Variants in DPP6 observed in about 807,000 individuals in gnomAD.
DPP6 encodes A-type potassium channel modulatory protein DPP6.
In DPP6, 69 loss-of-function variants were observed where a neutral mutation model predicts 122.6. The observed-to-expected ratio is 0.56, with a 90% CI of 0.46 to 0.69. The LOEUF is 0.69. Ranked by LOEUF, DPP6 falls within the 30% of genes least tolerant of loss-of-function variation. The pLI is 0.00. For synonymous variants in DPP6, 418 were observed against 433.1 expected (o/e 0.97, Z 0.43); for missense variants, 928 against 1,116.9 (o/e 0.83, Z 2.41).
the DPP6 span, among the ~76,000 whole-genome samples, chr7:153,818,094 T>C: frequency 1.8e-4 from 28 of 151,628 alleles, no homozygotes; most frequent in African/African-American, 3.4e-4. Flanking sequence ...AGTAGAAAAA[T>C]AGGCAAATGA....
At position 153,947,033 on chromosome 7, in the gene DPP6, C is replaced by T. The variant is rs184968703; in HGVS notation, c.51+59299C>T. Among the ~76,000 whole-genome samples the T allele has an allele frequency of 2.5e-4, 38 of 152,184 alleles. 1 individual carries two copies. The South Asian group carries it at 5.0e-3, about 20-fold the overall frequency. ...GACGGTGTGATATTCCTGAGGCCAC[C>T]GGGGATGATTCACAAGGGTGTGCCG... On this transcript the variant is annotated intron_variant, in intron 1 of 25. Transcript: ENST00000404039.
At chr7:154,363,140 C>A (rs1348472246) in intron 1 of DPP6, among the ~76,000 whole-genome samples, 1 of 152,194 alleles carries the variant, frequency 6.6e-6, no homozygotes, top group Non-Finnish European at 1.5e-5. Context: ...TGGCAGCCAG[C>A]ATTGAGATGC....
chr7:153,764,243 T>C, the DPP6 span, among the ~76,000 whole-genome samples: 6 of 152,182 alleles, frequency 3.9e-5, no homozygotes, highest in African/African-American at 1.4e-4. Context: ...TCTGGAAACC[T>C]GCACTGGGGA....
rs549599060 is a variant in DPP6 at position 154,486,084 on chromosome 7, C to T, written c.457+11047C>T. On this transcript the variant is annotated intron_variant, in intron 3 of 25. Coordinates refer to ENST00000377770, the MANE Select transcript of DPP6 (RefSeq NM_130797.4). This position sits in a 1 kb window ranked among gnomAD's most constrained non-coding sequence, Gnocchi z 4.5. ...TTTAGAGAATCCAGGGTGTTCCTGC[C>T]TCAGTGTACCTTGCCTCCCCGGTCT... Among the ~76,000 whole-genome samples, 9 of 152,044 alleles carry T rather than the reference C, an allele frequency of 5.9e-5. No homozygotes were observed. The highest frequency in any genetic ancestry group is 1.7e-4 in the African/African-American group (7 of 41,454).
At chr7:154,530,499 G>A (rs976561138) in intron 3 of DPP6, among the ~76,000 whole-genome samples, 2 of 152,138 alleles carry the variant, frequency 1.3e-5, no homozygotes, top group African/African-American at 2.4e-5. Context: ...AACAACAGAT[G>A]TTGGCAAGGT....
intron 16 of DPP6, among the ~76,000 whole-genome samples, chr7:154,844,938 C>T (rs1184744372): frequency 1.3e-5 from 2 of 152,178 alleles, no homozygotes; most frequent in African/African-American, 2.4e-5. Context: ...TAATTCCGAT[C>T]TTAGACATGG....
At chr7:153,868,730 T>C in the DPP6 span, among the ~76,000 whole-genome samples, 1 of 152,220 alleles carries the variant, frequency 6.6e-6, no homozygotes, top group African/African-American at 2.4e-5. Flanking sequence ...TCTAGTTCTT[T>C]TAATTGTGAT....
Position 154,224,213 on chromosome 7 carries a change from A to G in DPP6, c.243+171150A>G, listed in dbSNP as rs185375130. On this transcript the variant is annotated intron_variant, in intron 1 of 25. Transcript: ENST00000377770. Reference sequence around the variant, plus strand: ...AACGTTAAGAGATACTATGATGTAAAATCCATGTGTGAGCCAGGAGAATAG... The same window carrying G: ...AACGTTAAGAGATACTATGATGTAAGATCCATGTGTGAGCCAGGAGAATAG... 4.8e-4 allele frequency among the ~76,000 whole-genome samples: 72 copies of G among 148,946 alleles called. 9 individuals carry two copies. Among genetic ancestry groups the G allele is most frequent in the African/African-American group, 1.6e-3 (64 of 39,018 alleles).
chr7:154,728,007 G>C, intron 8 of DPP6, 120 bp downstream of exon 8: 1 of 1,460,564 alleles, frequency 6.8e-7, no homozygotes, highest in Non-Finnish European at 9.1e-7. Flanking sequence ...AGTTTCTTGA[G>C]GTTCTGCAAA....
intron 19 of DPP6, 48 bp downstream of exon 19, chr7:154,872,741 CG>C (rs1357389515): frequency 2.9e-5 from 46 of 1,563,514 alleles, no homozygotes; most frequent in Non-Finnish European, 3.9e-5. Context: ...TCTGGGGCTC[CG>C]TGACACCCAT....
chr7:153,909,651 G>C (rs182057226), intron 1 of DPP6, among the ~76,000 whole-genome samples: 2 of 152,070 alleles, frequency 1.3e-5, no homozygotes, highest in Admixed American at 1.3e-4. Flanking sequence ...ACTATATTCA[G>C]TGGTCAGTTC....
At chr7:154,179,388 T>C (rs1797965374) in intron 1 of DPP6, among the ~76,000 whole-genome samples, 1 of 152,200 alleles carries the variant, frequency 6.6e-6, no homozygotes, top group Non-Finnish European at 1.5e-5. Flanking sequence ...TAACGGGCCA[T>C]TGGCATCAAA....
intron 13 of DPP6, among the ~76,000 whole-genome samples, chr7:154,803,405 G>T (rs1244201258): frequency 6.6e-6 from 1 of 152,184 alleles, no homozygotes; most frequent in Admixed American, 6.5e-5. Flanking sequence ...GTCAGTGGCA[G>T]CAGGGAGCGC....
At chr7:154,322,904 G>T (rs112485671) in intron 1 of DPP6, among the ~76,000 whole-genome samples, 1 of 152,002 alleles carries the variant, frequency 6.6e-6, no homozygotes, top group Non-Finnish European at 1.5e-5. Flanking sequence ...GGTTTCAAAC[G>T]CCATGAGCAA....
intron 17 of DPP6, among the ~76,000 whole-genome samples, chr7:154,860,320 G>A (rs1030272041): frequency 1.3e-5 from 2 of 152,176 alleles, no homozygotes; most frequent in Non-Finnish European, 2.9e-5. Context: ...GGGCCCACAT[G>A]TCACTGTCAC....
intron 1 of DPP6, among the ~76,000 whole-genome samples, chr7:154,002,377 G>A (rs927293141): frequency 7.9e-5 from 12 of 152,154 alleles, no homozygotes; most frequent in African/African-American, 2.9e-4. Context: ...TTATAGACCT[G>A]CTACATTGCC....
chr7:154,681,921 G>C (rs1401272058), intron 7 of DPP6, among the ~76,000 whole-genome samples: 1 of 152,166 alleles, frequency 6.6e-6, no homozygotes, highest in Non-Finnish European at 1.5e-5. Context: ...GTAAGCTGTT[G>C]AAGAACAAAG....
chr7:154,171,420 A>T (rs1797529165), intron 1 of DPP6, among the ~76,000 whole-genome samples: 1 of 152,176 alleles, frequency 6.6e-6, no homozygotes, highest in African/African-American at 2.4e-5. Context: ...ACAGAGGAGG[A>T]TGTTAACAGT....
At chr7:154,623,422 C>G (rs540600293) in intron 5 of DPP6, among the ~76,000 whole-genome samples, 2 of 152,140 alleles carry the variant, frequency 1.3e-5, no homozygotes, top group Non-Finnish European at 2.9e-5. Flanking sequence ...TTTGCTGCGT[C>G]GGGAACCTCT....
Sources: gnomAD v4.1 joint callset for allele counts (sites outside exome capture counted in the v4.1 genomes callset) on GRCh38, gnomAD v4.1.1 for gene constraint, Gnocchi (gnomAD v3.1) non-coding constraint, MANE v1.5 for transcripts, NCBI Gene and HGNC (gene_info 2026-07-23, HGNC 2026-07-21) for gene names.